The following LRRN1 variants were observed in gnomAD, a reference collection of about 807,000 sequenced individuals.
LRRN1 encodes the protein leucine rich repeat neuronal 1.
Under a neutral mutation model 45.8 loss-of-function variants are expected in LRRN1, and 14 were observed. The observed-to-expected ratio is 0.31, with a 90% CI of 0.20 to 0.48. The LOEUF is 0.48. Among genes scored for constraint, LRRN1 ranks in the 20% least tolerant of loss-of-function variants. The pLI is 0.99. For missense variants in LRRN1, 789 were observed against 874.2 expected, an observed-to-expected ratio of 0.90 and a Z score of 1.23; for synonymous variants, 359 against 330.1, an observed-to-expected ratio of 1.09 and a Z score of -0.95.
chr3:3,846,159 G>A lies in LRRN1; in HGVS notation c.1518G>A (p.Gly506=), dbSNP rs1217264001. 1.2e-6 allele frequency: 2 copies of A among 1,614,060 alleles called. No homozygotes were observed. Among genetic ancestry groups the A allele is most frequent in the East Asian group, 2.2e-5 (1 of 44,876 alleles). Residue 506 remains glycine, a synonymous_variant, in exon 2 of 2, where the codon GGG becomes GGA. Transcript: ENST00000319331. This position sits in a 1 kb window ranked among gnomAD's most constrained non-coding sequence, Gnocchi z 5.7. ...RYTCVAQNVQ[G]ADTRVATIKV... ...CATGTGTTGCCCAGAATGTCCAAGG[G>A]GCAGACACTCGGGTGGCAACAATTA...
chr3:3,815,720 T>A (rs186691045), intron 1 of LRRN1, among the ~76,000 whole-genome samples: 1 of 152,244 alleles, frequency 6.6e-6, no homozygotes. Context: ...TAAATGTAAT[T>A]TGAAGTAATA....
chr3:3,826,254 C>T (rs1693212386), intron 1 of LRRN1, among the ~76,000 whole-genome samples: 1 of 152,106 alleles, frequency 6.6e-6, no homozygotes, highest in Non-Finnish European at 1.5e-5. Context: ...GGAAGCATTG[C>T]CTCTCTGAAA....
In LRRN1 at chr3:3,845,369, G is replaced by A; in HGVS notation, c.728G>A (p.Ser243Asn). 6.2e-7 allele frequency: 1 copy of A among 1,614,082 alleles called. No individual in the cohort carries two copies. The highest frequency in any genetic ancestry group is 1.3e-5 in the African/African-American group (1 of 75,028). ...NALVGLDSLE[S>N]LSFYDNKLVK... ...TTGGTGGGTCTGGATAGCCTTGAGAGCCTGTCTTTTTATGATAACAAACTG... is the reference window on the plus strand; with the variant it reads ...TTGGTGGGTCTGGATAGCCTTGAGAACCTGTCTTTTTATGATAACAAACTG... Residue 243 changes from serine (S) to asparagine (N), a missense_variant, in exon 2 of 2, where the codon AGC (serine) becomes AAC (asparagine). Coordinates refer to ENST00000319331, the MANE Select transcript of LRRN1 (RefSeq NM_020873.7). The surrounding 1 kb of genome is among the most constrained non-coding windows in gnomAD (Gnocchi z 6.5).
Position 3,847,370 on chromosome 3 carries a change from T to A in LRRN1, c.*578T>A, listed in dbSNP as rs1474584914. The A allele has an allele frequency of 8.6e-6, 1 of 115,936 alleles. No homozygotes were observed. Among genetic ancestry groups the A allele is most frequent in the Non-Finnish European group, 1.9e-5 (1 of 52,932 alleles). The allele number at this position is 115,936 out of a possible 1,614,324, so 7.2% of individuals were successfully genotyped here. ...AATGTTTGCCTTTAAACAATGAATT[T>A]TCTTTTTCTTTCCTTTTTTTTTTTT... is the stretch of plus-strand genomic sequence containing the variant. On this transcript the variant is annotated 3_prime_UTR_variant, in exon 2 of 2. Coordinates refer to ENST00000319331, the MANE Select transcript of LRRN1 (RefSeq NM_020873.7).
At chr3:3,827,994 T>C (rs1207531426) in intron 1 of LRRN1, among the ~76,000 whole-genome samples, 1 of 152,002 alleles carries the variant, frequency 6.6e-6, no homozygotes, top group Non-Finnish European at 1.5e-5. Context: ...AGATCATTCA[T>C]TACTCCCAAT....
At chr3:3,823,225 T>C (rs533539567) in intron 1 of LRRN1, among the ~76,000 whole-genome samples, 1 of 152,288 alleles carries the variant, frequency 6.6e-6, no homozygotes, top group African/African-American at 2.4e-5. Context: ...TGACTGTGTG[T>C]CCTGTGGGAG....
intron 1 of LRRN1, among the ~76,000 whole-genome samples, chr3:3,801,788 G>C (rs982385516): frequency 4.6e-5 from 7 of 152,160 alleles, no homozygotes; most frequent in Non-Finnish European, 1.0e-4. Flanking sequence ...GTATATATTC[G>C]TGCAATATTC....
At chr3:3,825,300 C>T (rs1296234977) in intron 1 of LRRN1, among the ~76,000 whole-genome samples, 1 of 152,194 alleles carries the variant, frequency 6.6e-6, no homozygotes, top group Admixed American at 6.5e-5. Context: ...TTATGCTCGA[C>T]TTGGAGACCA....
intron 1 of LRRN1, among the ~76,000 whole-genome samples, chr3:3,820,158 G>T (rs1575286573): frequency 6.6e-6 from 1 of 152,118 alleles, no homozygotes; most frequent in Non-Finnish European, 1.5e-5. Context: ...CTAGTTTTTA[G>T]AATTACTTTT....
intron 1 of LRRN1, among the ~76,000 whole-genome samples, chr3:3,813,286 G>T (rs1692918927): frequency 6.6e-6 from 1 of 152,176 alleles, no homozygotes; most frequent in South Asian, 2.1e-4. Context: ...GTCCTCAGTG[G>T]AGAGATGTAC....
chr3:3,816,620 T>C lies in LRRN1; in HGVS notation c.-279+16701T>C, dbSNP rs2106455965. Among the ~76,000 whole-genome samples the C allele has an allele frequency of 6.6e-6, 1 of 152,254 alleles. No homozygotes were observed. The highest frequency in any genetic ancestry group is 2.4e-5 in the African/African-American group (1 of 41,552). On this transcript the variant is annotated intron_variant, in intron 1 of 1. Transcript: ENST00000319331. This position sits in a 1 kb window ranked among gnomAD's most constrained non-coding sequence, Gnocchi z 4.0. Reference sequence around the variant, plus strand: ...AGTAAAAAATATATAACCACCCTTATTAAAGGCAAAAATATAGGTATTACA... The same window carrying C: ...AGTAAAAAATATATAACCACCCTTACTAAAGGCAAAAATATAGGTATTACA...
intron 1 of LRRN1, among the ~76,000 whole-genome samples, chr3:3,807,927 G>A (rs1467979020): frequency 2.0e-5 from 3 of 152,182 alleles, no homozygotes; most frequent in African/African-American, 4.8e-5. Flanking sequence ...GCCTCCTCAC[G>A]TACTCAGAAA....
At chr3:3,814,451 T>C (rs1416559440) in intron 1 of LRRN1, among the ~76,000 whole-genome samples, 1 of 151,986 alleles carries the variant, frequency 6.6e-6, no homozygotes, top group Non-Finnish European at 1.5e-5. Flanking sequence ...CATCCTGCGG[T>C]AGCTCACTCA....
At chr3:3,803,528 T>G (rs1464127270) in intron 1 of LRRN1, among the ~76,000 whole-genome samples, 1 of 152,230 alleles carries the variant, frequency 6.6e-6, no homozygotes, top group Non-Finnish European at 1.5e-5. Flanking sequence ...AAAATTATGC[T>G]GAACATCTGT....
intron 1 of LRRN1, among the ~76,000 whole-genome samples, chr3:3,812,048 A>G (rs1393132227): frequency 6.6e-6 from 1 of 152,208 alleles, no homozygotes; most frequent in Non-Finnish European, 1.5e-5. Context: ...ATGTATGGGA[A>G]AGCACTTGGT....
chr3:3,846,180 A>G lies in LRRN1; in HGVS notation c.1539A>G (p.Thr513=), dbSNP rs1693772058. 1 of 1,614,064 alleles carries G rather than the reference A, an allele frequency of 6.2e-7. No individual in the cohort carries two copies. Among genetic ancestry groups the G allele is most frequent in the Non-Finnish European group, 8.5e-7 (1 of 1,180,044 alleles). The change falls in exon 2 of 2, where the codon ACA becomes ACG. Residue 513 remains threonine, a synonymous_variant. Coordinates refer to ENST00000319331, the MANE Select transcript of LRRN1 (RefSeq NM_020873.7). This position sits in a 1 kb window ranked among gnomAD's most constrained non-coding sequence, Gnocchi z 5.7. ...AAGGGGCAGACACTCGGGTGGCAAC[A>G]ATTAAGGTTAATGGGACCCTTCTGG... ...NVQGADTRVA[T]IKVNGTLLDG... is the part of the protein sequence containing the mutation.
intron 1 of LRRN1, among the ~76,000 whole-genome samples, chr3:3,810,294 A>C (rs1692847765): frequency 6.6e-6 from 1 of 152,188 alleles, no homozygotes; most frequent in African/African-American, 2.4e-5. Flanking sequence ...ACATTGTAGC[A>C]AACAAACCCA....
Position 3,844,710 on chromosome 3 carries a change from C to T in LRRN1, c.69C>T (p.Thr23=), listed in dbSNP as rs769991809. The T allele has an allele frequency of 4.3e-6, 7 of 1,614,052 alleles. No homozygotes were observed. The highest frequency in any genetic ancestry group is 1.3e-5 in the African/African-American group (1 of 75,012). The part of the protein sequence containing the change: ...LVLGLLMTSL[T]ESSIQNSECP... Reference sequence around the variant, plus strand: ...TGGGCCTACTAATGACTTCATTAACCGAGTCTTCCATACAGAATAGTGAGT... The same window carrying T: ...TGGGCCTACTAATGACTTCATTAACTGAGTCTTCCATACAGAATAGTGAGT... The change falls in exon 2 of 2, where the codon ACC becomes ACT. Residue 23 remains threonine (T), a synonymous_variant. Transcript: ENST00000319331.
At chr3:3,828,638 A>G (rs1309878095) in intron 1 of LRRN1, among the ~76,000 whole-genome samples, 5 of 152,180 alleles carry the variant, frequency 3.3e-5, no homozygotes, top group Non-Finnish European at 7.3e-5. Flanking sequence ...TGAGGTCATA[A>G]TTACACCTAA....
Sources: gnomAD v4.1 joint callset for allele counts (sites outside exome capture counted in the v4.1 genomes callset) on GRCh38, gnomAD v4.1.1 for gene constraint, Gnocchi (gnomAD v3.1) non-coding constraint, MANE v1.5 for transcripts, NCBI Gene and HGNC (gene_info 2026-07-23, HGNC 2026-07-21) for gene names.